VCL: variants seen among roughly 807,000 people sequenced by gnomAD.
The protein encoded by VCL is epididymis luminal protein 114.
VCL carries 47 observed loss-of-function variants against 125.7 expected under a neutral mutation model. The ratio of observed to expected loss-of-function variants is 0.37; its 90% CI spans 0.30 to 0.48. The LOEUF is 0.48. Ranked by LOEUF, VCL falls within the 20% of genes least tolerant of loss-of-function variation. The pLI, the probability that VCL is intolerant of heterozygous loss-of-function variation, is 0.99. For missense variants in VCL, 1,069 were observed against 1,455.5 expected, an observed-to-expected ratio of 0.73 and a Z score of 4.32; for synonymous variants, 458 against 514.6, an observed-to-expected ratio of 0.89 and a Z score of 1.49.
chr10:74,014,769 A>G (rs1840506076), intron 1 of VCL, among the ~76,000 whole-genome samples: 1 of 152,152 alleles, frequency 6.6e-6, no homozygotes, highest in Non-Finnish European at 1.5e-5. Context: ...ATCTCAGCCC[A>G]CTGCAACCTC....
Position 74,105,276 on chromosome 10 carries a change from C to G in VCL, c.2357C>G (p.Ala786Gly). 1 of 1,613,822 alleles carries G rather than the reference C, an allele frequency of 6.2e-7. No homozygotes were observed. Among genetic ancestry groups the G allele is most frequent in the Non-Finnish European group, 8.5e-7 (1 of 1,180,034 alleles). Residue 786 changes from alanine (A) to glycine (G), a missense_variant, in exon 16 of 22, where the codon GCC becomes GGC. Around this residue, in one of 6 missense-constraint regions of VCL, gnomAD observed 760 missense variants for 928.9 expected, o/e 0.82. Transcript: ENST00000211998. ...DPKFREAVKA[A>G]SDELSKTISP... Reference sequence around the variant, plus strand: ...AAGTTCCGTGAGGCTGTGAAAGCTGCCTCTGATGAATTGAGCAAAACCATC... The same window carrying G: ...AAGTTCCGTGAGGCTGTGAAAGCTGGCTCTGATGAATTGAGCAAAACCATC...
chr10:74,043,410 G>T (rs763318907), intron 2 of VCL, among the ~76,000 whole-genome samples: 1 of 151,658 alleles, frequency 6.6e-6, no homozygotes, highest in African/African-American at 2.4e-5. Context: ...GCAATGGTGC[G>T]ATGTCAGCTC....
chr10:74,055,227 G>C (rs11000863), intron 2 of VCL, among the ~76,000 whole-genome samples: 4 of 152,304 alleles, frequency 2.6e-5, no homozygotes, highest in South Asian at 4.2e-4. Flanking sequence ...TTGAACCTGG[G>C]AGGCAGAGAT....
intron 1 of VCL, among the ~76,000 whole-genome samples, chr10:74,016,452 A>G (rs1282617314): frequency 6.6e-6 from 1 of 152,118 alleles, no homozygotes; most frequent in Non-Finnish European, 1.5e-5. Flanking sequence ...CTCTACAAAA[A>G]GTATAAAAAT....
At chr10:74,002,806 C>T (rs1487679198) in intron 1 of VCL, among the ~76,000 whole-genome samples, 2 of 148,508 alleles carry the variant, frequency 1.3e-5, no homozygotes, top group South Asian at 2.1e-4. Flanking sequence ...CGCTTGAATC[C>T]GGGAGGTGGA....
chr10:74,014,046 A>C (rs1840488786), intron 1 of VCL, among the ~76,000 whole-genome samples: 1 of 152,122 alleles, frequency 6.6e-6, no homozygotes, highest in Admixed American at 6.6e-5. Context: ...AGGTGCTTGA[A>C]CCTTTGATTG....
At chr10:74,054,694 G>C (rs756569958) in intron 2 of VCL, among the ~76,000 whole-genome samples, 2 of 152,172 alleles carry the variant, frequency 1.3e-5, no homozygotes, top group Non-Finnish European at 2.9e-5. Context: ...GCCAGGGCAG[G>C]AGGATTACTT....
chr10:74,024,611 CAA>C (rs34086598), intron 1 of VCL, among the ~76,000 whole-genome samples: 217 of 141,872 alleles, frequency 1.5e-3, no homozygotes, highest in Admixed American at 1.5e-3. Context: ...CACTCCATCT[CAA>C]AAAAAAAAAA....
At chr10:74,065,050 G>GAAAC (rs1209414960) in intron 2 of VCL, among the ~76,000 whole-genome samples, 4 of 150,310 alleles carry the variant, frequency 2.7e-5, no homozygotes, top group South Asian at 2.1e-4. Context: ...AGTAAACAGT[G>GAAAC]AAACAAACAA....
intron 2 of VCL, among the ~76,000 whole-genome samples, chr10:74,058,504 G>C (rs1002621806): frequency 6.6e-6 from 1 of 151,912 alleles, no homozygotes; most frequent in East Asian, 1.9e-4. Flanking sequence ...AACCTAAAAG[G>C]CTATACTGTC....
At position 74,082,443 on chromosome 10, in the gene VCL, C is replaced by G; in HGVS notation, c.784-11C>G. On this transcript the variant is annotated splice_polypyrimidine_tract_variant and intron_variant, in intron 6 of 21. Transcript: ENST00000211998. ...TGCAAAGAAAATAATGGTGGGATTT[C>G]TTCCCAAAAGGACACTGAAGCCATG... 1.2e-6 allele frequency: 2 copies of G among 1,613,946 alleles called. No individual in the cohort carries two copies. Among genetic ancestry groups the G allele is most frequent in the Non-Finnish European group, 1.7e-6 (2 of 1,179,864 alleles).
At chr10:74,006,128 C>A (rs141472841) in intron 1 of VCL, among the ~76,000 whole-genome samples, 3 of 152,088 alleles carry the variant, frequency 2.0e-5, no homozygotes, top group Non-Finnish European at 4.4e-5. Context: ...TCAGGTGATC[C>A]GCTCGCCTCG....
At chr10:74,022,274 G>A (rs770432957) in intron 1 of VCL, among the ~76,000 whole-genome samples, 1 of 152,042 alleles carries the variant, frequency 6.6e-6, no homozygotes, top group Admixed American at 6.6e-5. Flanking sequence ...GGCCAGGCAC[G>A]GTGGCTCATG....
chr10:74,114,148 G>A, intron 19 of VCL, 36 bp from the exon 20 acceptor site: 1 of 1,609,872 alleles, frequency 6.2e-7, no homozygotes. Flanking sequence ...GCCAGAGCGT[G>A]GGCAGAGCTC....
intron 17 of VCL, among the ~76,000 whole-genome samples, chr10:74,107,663 G>A (rs553737076): frequency 9.9e-5 from 15 of 152,204 alleles, no homozygotes; most frequent in African/African-American, 3.6e-4. Flanking sequence ...ATGAGGTAGT[G>A]CATTGTGGTA....
At chr10:74,077,285 AAAG>A (rs1268335435) in intron 6 of VCL, 1 of 152,730 alleles carries the variant, frequency 6.5e-6, no homozygotes, top group Non-Finnish European at 1.5e-5. Context: ...CAGAATAAAA[AAAG>A]AGGTTTATTT....
intron 1 of VCL, among the ~76,000 whole-genome samples, chr10:74,011,165 CAAAAAAAA>C (rs71021585): frequency 3.8e-5 from 2 of 52,302 alleles, no homozygotes; most frequent in African/African-American, 7.7e-5. Flanking sequence ...AACTCTATCT[CAAAAAAAA>C]AAAAAAAAAA....
intron 5 of VCL, among the ~76,000 whole-genome samples, chr10:74,074,179 TG>T (rs1243475192): frequency 6.6e-6 from 1 of 152,222 alleles, no homozygotes; most frequent in African/African-American, 2.4e-5. Context: ...GAGGTTGCAG[TG>T]AGCCGAGATC....
rs1300183347 is a variant in VCL, at chr10:74,120,125, T to A, written c.*1956T>A. ...AAATATTTTCTGCCTCTTCTTTTGT[T>A]CTGTTTAAAACAATAAAATGCATTT... On this transcript the variant is annotated 3_prime_UTR_variant, in exon 22 of 22. Transcript: ENST00000211998. 5 of 152,260 alleles carry A rather than the reference T, an allele frequency of 3.3e-5. No homozygotes were observed. In the East Asian group the frequency reaches 9.6e-4, roughly 29 times the overall value. 9.4% of individuals were successfully genotyped at this position (152,260 alleles called of 1,614,324 possible).
Sources: gnomAD v4.1 joint callset for allele counts (sites outside exome capture counted in the v4.1 genomes callset) on GRCh38, gnomAD v4.1.1 for gene constraint, gnomAD v4.1.1 regional missense constraint, MANE v1.5 for transcripts, NCBI Gene and HGNC (gene_info 2026-07-23, HGNC 2026-07-21) for gene names.